The following GALNT17 variants were observed in gnomAD, a reference collection of about 807,000 sequenced individuals.
GALNT17 encodes the protein UDP-GalNAc:polypeptide N-acetylgalactosaminyltransferase-like 3.
Under a neutral mutation model 63.7 loss-of-function variants are expected in GALNT17, and 29 were observed. The ratio of observed to expected loss-of-function variants is 0.46; its 90% CI spans 0.34 to 0.62. GALNT17 has a LOEUF of 0.62. Ranked by LOEUF, GALNT17 falls within the 20% of genes least tolerant of loss-of-function variation. GALNT17 has a pLI of 0.01. For missense variants in GALNT17, 603 were observed against 799.6 expected (o/e 0.75, Z 2.97); for synonymous variants, 305 against 318.3 (o/e 0.96, Z 0.45).
chr7:71,645,828 A>G (rs1790667997), intron 6 of GALNT17, among the ~76,000 whole-genome samples: 1 of 152,114 alleles, frequency 6.6e-6, no homozygotes, highest in African/African-American at 2.4e-5. Context: ...TGGTGGAGTA[A>G]TTTACCAATT....
chr7:71,697,496 G>C (rs186973661), intron 9 of GALNT17, among the ~76,000 whole-genome samples: 8 of 152,116 alleles, frequency 5.3e-5, no homozygotes, highest in African/African-American at 1.9e-4. Context: ...CTCTGGGTGC[G>C]TAACAGGGAG....
At chr7:71,604,133 GTACTATGCTAAGTGCATACAATGGA>G (rs1169307949) in intron 6 of GALNT17, among the ~76,000 whole-genome samples, 4 of 151,958 alleles carry the variant, frequency 2.6e-5, no homozygotes, top group African/African-American at 4.8e-5. Context: ...CATATACCAG[GTACTATGCTAAGTGCATACAATGGA>G]TACTATGCTA....
At chr7:71,615,965 C>A (rs962407556) in intron 6 of GALNT17, among the ~76,000 whole-genome samples, 2 of 152,108 alleles carry the variant, frequency 1.3e-5, no homozygotes, top group Non-Finnish European at 1.5e-5. Flanking sequence ...GCAGGTGTAG[C>A]ACAAGGCAGC....
At chr7:71,165,851 G>T (rs1019402173) in intron 1 of GALNT17, among the ~76,000 whole-genome samples, 1 of 152,092 alleles carries the variant, frequency 6.6e-6, no homozygotes, top group African/African-American at 2.4e-5. Flanking sequence ...TTGAAGGGCT[G>T]AGTAGGTGGA....
chr7:71,161,775 T>G (rs1788345756), intron 1 of GALNT17, among the ~76,000 whole-genome samples: 1 of 152,196 alleles, frequency 6.6e-6, no homozygotes, highest in Admixed American at 6.5e-5. Flanking sequence ...TCCACCTGAT[T>G]TGTAATCGTC....
intron 1 of GALNT17, among the ~76,000 whole-genome samples, chr7:71,333,720 C>T (rs545757882): frequency 3.9e-5 from 6 of 152,152 alleles, no homozygotes; most frequent in South Asian, 4.1e-4. Flanking sequence ...AGGCTGGTCT[C>T]GAACTCCTCA....
At chr7:71,285,704 CA>C (rs1258584296) in intron 1 of GALNT17, among the ~76,000 whole-genome samples, 1 of 152,100 alleles carries the variant, frequency 6.6e-6, no homozygotes. Context: ...GAGGACACAG[CA>C]AAAAGACAGT....
At chr7:71,309,088 C>G (rs934826200) in intron 1 of GALNT17, among the ~76,000 whole-genome samples, 3 of 152,054 alleles carry the variant, frequency 2.0e-5, no homozygotes, top group African/African-American at 4.8e-5. Flanking sequence ...AGCTCAAATC[C>G]TTTTGAGTCT....
chr7:71,427,796 C>T (rs1481930059), intron 5 of GALNT17, among the ~76,000 whole-genome samples: 1 of 152,050 alleles, frequency 6.6e-6, no homozygotes, highest in African/African-American at 2.4e-5. Flanking sequence ...CCCACATTCC[C>T]TCCTGAGCTC....
intron 5 of GALNT17, among the ~76,000 whole-genome samples, chr7:71,541,309 TA>T (rs1419106629): frequency 6.6e-6 from 1 of 150,804 alleles, no homozygotes; most frequent in East Asian, 2.0e-4. Flanking sequence ...CTGGCTGAAC[TA>T]CACTTCCCGA....
rs191512076 is a variant in GALNT17, at chr7:71,172,076, A to T, written c.238+39036A>T. Among the ~76,000 whole-genome samples the T allele has an allele frequency of 7.4e-4, 113 of 152,318 alleles. 1 individual carries two copies. The highest frequency in any genetic ancestry group is 2.7e-3 in the African/African-American group (111 of 41,568). ...AGGGAATTAAGGAATAGGTGGAAGA[A>T]AACCACATAGGACAGATGGGAAACA... is the stretch of plus-strand genomic sequence containing the variant. On this transcript the variant is annotated intron_variant, in intron 1 of 10. Transcript: ENST00000333538.
chr7:71,571,663 C>T (rs1018008510), intron 6 of GALNT17, among the ~76,000 whole-genome samples: 1 of 152,050 alleles, frequency 6.6e-6, no homozygotes, highest in Non-Finnish European at 1.5e-5. Flanking sequence ...GAGGGTGGTT[C>T]CCACTCCCAT....
intron 2 of GALNT17, among the ~76,000 whole-genome samples, chr7:71,361,510 T>C (rs1227145615): frequency 6.6e-6 from 1 of 152,182 alleles, no homozygotes; most frequent in Admixed American, 6.5e-5. Context: ...ATACCTATTG[T>C]ATATTTACTA....
chr7:71,683,477 G>A (rs755634891), intron 9 of GALNT17, among the ~76,000 whole-genome samples: 1 of 152,174 alleles, frequency 6.6e-6, no homozygotes, highest in East Asian at 1.9e-4. Context: ...GACATCGCTA[G>A]CTTAATTAAT....
chr7:71,683,597 G>A (rs112008424), intron 9 of GALNT17, among the ~76,000 whole-genome samples: 304 of 152,238 alleles, frequency 2.0e-3, no homozygotes, highest in African/African-American at 6.3e-3. Flanking sequence ...AAGATGTTCC[G>A]GGCCACTCAG....
intron 5 of GALNT17, among the ~76,000 whole-genome samples, chr7:71,570,376 C>A (rs1789419516): frequency 6.6e-6 from 1 of 152,120 alleles, no homozygotes; most frequent in South Asian, 2.1e-4. Context: ...AAAGACCCCA[C>A]CCTGGTCCAC....
At chr7:71,401,029 T>C (rs921698410) in intron 3 of GALNT17, among the ~76,000 whole-genome samples, 1 of 152,200 alleles carries the variant, frequency 6.6e-6, no homozygotes, top group Non-Finnish European at 1.5e-5. Context: ...AAGTTTTCCT[T>C]AAACTACTAT....
chr7:71,408,902 G>GTATGTA lies in GALNT17; in HGVS notation c.590-6986_590-6985insATGTAT, dbSNP rs1554366709. Among the ~76,000 whole-genome samples the GTATGTA allele has an allele frequency of 1.4e-3, 204 of 146,974 alleles. 1 individual carries two copies. Among genetic ancestry groups the GTATGTA allele is most frequent in the African/African-American group, 5.0e-3 (198 of 39,418 alleles). Reference sequence around the variant, plus strand: ...TCTGTCTCTGTATATGTGTGTGTGTGTGTATGTATGTATGTATGTATGTAT... The same window carrying GTATGTA: ...TCTGTCTCTGTATATGTGTGTGTGTGTATGTATGTATGTATGTATGTATGTATGTAT... On this transcript the variant is annotated intron_variant, in intron 3 of 10. Coordinates refer to ENST00000333538, the MANE Select transcript of GALNT17 (RefSeq NM_022479.3).
rs546909032 is a variant in GALNT17, at chr7:71,132,859, C to T, written c.57C>T (p.Ala19=). The change falls in exon 1 of 11, where the codon GCC becomes GCT. Residue 19 remains alanine, a synonymous_variant. Coordinates refer to ENST00000333538, the MANE Select transcript of GALNT17 (RefSeq NM_022479.3). ...TGGTGTTGAACTTGATCGCGGTAGC[C>T]GGCTTCGTGCTCTTCCTGGCCAAGT... ...VLLVLNLIAV[A]GFVLFLAKCR... is the part of the protein sequence containing the mutation. The T allele has an allele frequency of 6.2e-7, 1 of 1,612,912 alleles. No individual in the cohort carries two copies. Among genetic ancestry groups the T allele is most frequent in the Admixed American group, 1.7e-5 (1 of 59,942 alleles).
Sources: gnomAD v4.1 joint callset for allele counts (sites outside exome capture counted in the v4.1 genomes callset) on GRCh38, gnomAD v4.1.1 for gene constraint, MANE v1.5 for transcripts, NCBI Gene and HGNC (gene_info 2026-07-23, HGNC 2026-07-21) for gene names.